The following CLNK variants were observed in gnomAD, a reference collection of about 807,000 sequenced individuals.
CLNK encodes cytokine-dependent hematopoietic cell linker.
Under a neutral mutation model 68.6 loss-of-function variants are expected in CLNK, and 74 were observed. The ratio of observed to expected loss-of-function variants is 1.08; its 90% CI spans 0.89 to 1.31. The LOEUF (loss-of-function observed/expected upper bound fraction) is 1.31. CLNK is among the 50% of genes most tolerant of loss of function. The probability of loss-of-function intolerance (pLI) is 0.00; values close to 1 mark genes in which losing one functional copy is unlikely to be tolerated. For synonymous variants in CLNK, 198 were observed against 172.2 expected (o/e 1.15, Z -1.17); for missense variants, 553 against 515.3 (o/e 1.07, Z -0.71).
chr4:10,683,710 T>C (rs1469853952), intron 1 of CLNK, among the ~76,000 whole-genome samples: 1 of 152,202 alleles, frequency 6.6e-6, no homozygotes, highest in Non-Finnish European at 1.5e-5. Context: ...AGAGGATTTC[T>C]GAAGCGCTGT....
At chr4:10,590,250 T>G (rs368429606) in intron 3 of CLNK, among the ~76,000 whole-genome samples, 3 of 152,214 alleles carry the variant, frequency 2.0e-5, no homozygotes, top group African/African-American at 7.2e-5. Flanking sequence ...CTAATAATCT[T>G]TAATTTTTAA....
At chr4:10,545,991 A>C in intron 8 of CLNK, among the ~76,000 whole-genome samples, 1 of 152,166 alleles carries the variant, frequency 6.6e-6, no homozygotes, top group South Asian at 2.1e-4. Context: ...ACAGCGCCCC[A>C]GTCCTATCCC....
the CLNK span, among the ~76,000 whole-genome samples, chr4:10,711,365 A>T: frequency 6.6e-6 from 1 of 152,248 alleles, no homozygotes; most frequent in Non-Finnish European, 1.5e-5. Flanking sequence ...TCAATCTCAC[A>T]GAAGACCTTC....
intron 2 of CLNK, among the ~76,000 whole-genome samples, chr4:10,624,511 C>G (rs13104788): frequency 6.6e-6 from 1 of 151,556 alleles, no homozygotes; most frequent in Admixed American, 6.6e-5. Flanking sequence ...CCAGGATGGT[C>G]TCGATCTCCT....
upstream of CLNK, among the ~76,000 whole-genome samples, chr4:10,687,458 G>A (rs1461042636): frequency 6.6e-6 from 1 of 151,982 alleles, no homozygotes; most frequent in African/African-American, 2.4e-5. Flanking sequence ...AAAAGAGGAG[G>A]GAAGAGGAGA....
intron 2 of CLNK, among the ~76,000 whole-genome samples, chr4:10,601,288 C>T (rs921630580): frequency 2.6e-5 from 4 of 151,972 alleles, no homozygotes; most frequent in Non-Finnish European, 5.9e-5. Flanking sequence ...AAGGGACACA[C>T]CAGCGAGAAG....
intron 2 of CLNK, among the ~76,000 whole-genome samples, chr4:10,658,881 G>T (rs1356796039): frequency 6.6e-6 from 1 of 152,192 alleles, no homozygotes; most frequent in Non-Finnish European, 1.5e-5. Context: ...GGTGGGATAC[G>T]TTGTTGTAGC....
At chr4:10,571,698 T>C (rs1269560832) in intron 5 of CLNK, 43 bp downstream of exon 5, 1 of 1,506,116 alleles carries the variant, frequency 6.6e-7, no homozygotes, top group South Asian at 1.1e-5. Flanking sequence ...TGCTTTGCAA[T>C]ATTAAAGACG....
chr4:10,733,456 G>A, the CLNK span, among the ~76,000 whole-genome samples: 54,314 of 152,042 alleles, frequency 0.36, 11,457 homozygotes, highest in African/African-American at 0.6. Context: ...TACTTGGTAA[G>A]CTGGAGAAAC....
At chr4:10,650,873 C>T (rs2108882068) in intron 2 of CLNK, among the ~76,000 whole-genome samples, 1 of 152,104 alleles carries the variant, frequency 6.6e-6, no homozygotes, top group East Asian at 1.9e-4. Flanking sequence ...CAAACAACCT[C>T]ATGAAAAAGT....
Position 10,507,987 on chromosome 4 carries a change from A to G in CLNK, c.956T>C (p.Val319Ala), listed in dbSNP as rs200431324. ...WYIGEYSRQA[V>A]EEAFMKENKD... ...GTTCTCCTTCATGAATGCCTCTTCC[A>G]CTGCCTGGCGGCTGTATTCTCCAAT... The change falls in exon 17 of 19, where the codon GTG becomes GCG. Residue 319 changes from valine (V) to alanine (A), a missense_variant. Transcript: ENST00000226951. 299 of 1,610,608 alleles carry G rather than the reference A, an allele frequency of 1.9e-4. 2 individuals carry two copies. In the African/African-American group the frequency reaches 3.3e-3, roughly 18 times the overall value.
At chr4:10,641,534 C>T (rs750197371) in intron 2 of CLNK, among the ~76,000 whole-genome samples, 1 of 152,182 alleles carries the variant, frequency 6.6e-6, no homozygotes, top group Non-Finnish European at 1.5e-5. Flanking sequence ...CTGTGATGTG[C>T]TGCCCAGAAC....
the CLNK span, among the ~76,000 whole-genome samples, chr4:10,703,227 A>G: frequency 6.6e-6 from 1 of 152,294 alleles, no homozygotes; most frequent in Non-Finnish European, 1.5e-5. Context: ...GGCTAACTAC[A>G]CTAACGTAGT....
intron 1 of CLNK, among the ~76,000 whole-genome samples, chr4:10,672,418 G>A (rs2108896989): frequency 6.6e-6 from 1 of 152,266 alleles, no homozygotes; most frequent in East Asian, 1.9e-4. Flanking sequence ...TAATACAACA[G>A]CTACCCTTAG....
chr4:10,498,152 G>A (rs867828432), intron 18 of CLNK, among the ~76,000 whole-genome samples: 2 of 151,976 alleles, frequency 1.3e-5, no homozygotes, highest in South Asian at 2.1e-4. Flanking sequence ...CCAAGATCAC[G>A]CCATTGCATT....
intron 14 of CLNK, 93 bp from the exon 15 acceptor site, chr4:10,520,924 A>T (rs941674666): frequency 1.1e-5 from 10 of 887,290 alleles, no homozygotes; most frequent in Non-Finnish European, 1.8e-5. Context: ...TAATAGCCTG[A>T]AGTCACAGTT....
At chr4:10,679,907 A>C (rs924554158) in intron 1 of CLNK, among the ~76,000 whole-genome samples, 3 of 152,202 alleles carry the variant, frequency 2.0e-5, no homozygotes, top group South Asian at 2.1e-4. Context: ...GAACACTTTT[A>C]CACTGTTGGT....
At chr4:10,673,253 T>C (rs1180022240) in intron 1 of CLNK, among the ~76,000 whole-genome samples, 1 of 152,010 alleles carries the variant, frequency 6.6e-6, no homozygotes, top group Non-Finnish European at 1.5e-5. Flanking sequence ...GAGCATAAGG[T>C]ATTATGGGAA....
chr4:10,612,351 C>G (rs773130314), intron 2 of CLNK, among the ~76,000 whole-genome samples: 4 of 152,228 alleles, frequency 2.6e-5, no homozygotes, highest in African/African-American at 9.6e-5. Context: ...CCCCAAAAGA[C>G]AATGGACACA....
Sources: allele counts gnomAD v4.1 joint callset (sites outside exome capture counted in the v4.1 genomes callset), GRCh38; gene constraint gnomAD v4.1.1; transcripts MANE v1.5; gene names NCBI Gene and HGNC (gene_info 2026-07-23, HGNC 2026-07-21).